The following GRB14 variants were observed in gnomAD, a reference collection of about 807,000 sequenced individuals.
GRB14 encodes the protein growth factor receptor bound protein 14, also known as growth factor receptor-bound protein 14.
A neutral mutation model predicts 69.1 loss-of-function variants in GRB14; 38 were observed. That is an observed-to-expected ratio of 0.55 (90% confidence interval 0.42 to 0.72). GRB14 has a LOEUF of 0.72. Ranked by LOEUF, GRB14 falls within the 30% of genes least tolerant of loss-of-function variation. GRB14 has a pLI of 0.00. For missense variants in GRB14, 666 were observed against 666.1 expected (o/e 1.00, Z 0.00); for synonymous variants, 247 against 241.3 (o/e 1.02, Z -0.22).
chr2:164,558,420 T>C (rs1688735094), intron 2 of GRB14, among the ~76,000 whole-genome samples: 1 of 152,038 alleles, frequency 6.6e-6, no homozygotes, highest in South Asian at 2.1e-4. Flanking sequence ...AGTTATCACA[T>C]ACAGACACAC....
intron 2 of GRB14, among the ~76,000 whole-genome samples, chr2:164,563,356 T>C (rs976591908): frequency 6.6e-6 from 1 of 152,212 alleles, no homozygotes; most frequent in Non-Finnish European, 1.5e-5. Flanking sequence ...CCTTCCTCTC[T>C]TCCTTCCTGA....
chr2:164,541,477 AAAT>A (rs1028945010), intron 3 of GRB14, among the ~76,000 whole-genome samples: 10 of 151,388 alleles, frequency 6.6e-5, no homozygotes, highest in Non-Finnish European at 1.3e-4. Flanking sequence ...CGTCTCCAAA[AAAT>A]AATAATAATA....
At chr2:164,525,670 G>GT (rs972173720) in intron 4 of GRB14, among the ~76,000 whole-genome samples, 3 of 152,030 alleles carry the variant, frequency 2.0e-5, no homozygotes, top group African/African-American at 7.2e-5. Flanking sequence ...TGGATTCTAT[G>GT]TTTTTAATAA....
At chr2:164,520,436 T>C (rs923634692) in intron 6 of GRB14, among the ~76,000 whole-genome samples, 2 of 152,010 alleles carry the variant, frequency 1.3e-5, no homozygotes, top group African/African-American at 4.8e-5. Context: ...CCCTTCTAGA[T>C]ATTGGCTTAG....
chr2:164,503,219 C>A (rs1419863595), intron 8 of GRB14, among the ~76,000 whole-genome samples: 15 of 149,930 alleles, frequency 1.0e-4, no homozygotes, highest in African/African-American at 3.7e-4. Flanking sequence ...GAATAAACAG[C>A]CTTTTTTCCC....
chr2:164,611,322 C>T (rs1420552217), intron 2 of GRB14, among the ~76,000 whole-genome samples: 1 of 152,000 alleles, frequency 6.6e-6, no homozygotes, highest in Non-Finnish European at 1.5e-5. Flanking sequence ...ATTTATGGGG[C>T]TCCTGTAGGT....
chr2:164,611,676 A>G (rs13429320), intron 2 of GRB14, among the ~76,000 whole-genome samples: 2,611 of 151,266 alleles, frequency 0.017, 73 homozygotes, highest in African/African-American at 0.059. Flanking sequence ...CTCCTACTAG[A>G]TGTGATTCCT....
At chr2:164,570,950 T>C (rs1470099888) in intron 2 of GRB14, among the ~76,000 whole-genome samples, 1 of 152,168 alleles carries the variant, frequency 6.6e-6, no homozygotes, top group African/African-American at 2.4e-5. Context: ...TCAGGGAAAA[T>C]TATGAAGAGC....
At chr2:164,602,198 A>T (rs74269929) in intron 2 of GRB14, among the ~76,000 whole-genome samples, 7,285 of 147,402 alleles carry the variant, frequency 0.049, 220 homozygotes, top group African/African-American at 0.081. Context: ...AAGGGAAGGG[A>T]GGGGAGGGGA....
intron 2 of GRB14, among the ~76,000 whole-genome samples, chr2:164,579,491 G>A (rs969769662): frequency 6.8e-6 from 1 of 147,350 alleles, no homozygotes; most frequent in East Asian, 2.0e-4. Flanking sequence ...TTTTATTACA[G>A]GGCACACTTG....
In GRB14 at chr2:164,522,445, T is replaced by TTA. The variant is rs1687658902; in HGVS notation, c.679-330_679-329dup. On this transcript the variant is annotated intron_variant, in intron 5 of 13. Coordinates refer to ENST00000263915, the MANE Select transcript of GRB14 (RefSeq NM_004490.3). ...ATACATTCTAAGTGATAGTACATAG[T>TTA]TATCTAACTACCAAAATTATCAGCT... is the stretch of plus-strand genomic sequence containing the variant. Among the ~76,000 whole-genome samples the TTA allele has an allele frequency of 2.0e-5, 3 of 152,272 alleles. No homozygotes were observed. In the South Asian group the frequency reaches 6.2e-4, roughly 32 times the overall value.
intron 2 of GRB14, among the ~76,000 whole-genome samples, chr2:164,566,631 C>G (rs1574316039): frequency 6.6e-6 from 1 of 152,190 alleles, no homozygotes; most frequent in East Asian, 1.9e-4. Flanking sequence ...AGTTATTTTT[C>G]TAGCCAAGTT....
Position 164,615,011 on chromosome 2 carries a change from C to T in GRB14, c.324+4676G>A, listed in dbSNP as rs187302630. ...TAAATTTTTATTTTTCTGAGACATA[C>T]AAAAAAAGGCTTAATTTAATAAAGA... On this transcript the variant is annotated intron_variant, in intron 2 of 13. Transcript: ENST00000263915. 5.7e-4 allele frequency among the ~76,000 whole-genome samples: 86 copies of T among 151,864 alleles called. 1 individual carries two copies. Among genetic ancestry groups the T allele is most frequent in the Admixed American group, 4.4e-3 (68 of 15,282 alleles).
At chr2:164,526,809 T>C (rs1259941898) in intron 4 of GRB14, among the ~76,000 whole-genome samples, 1 of 151,896 alleles carries the variant, frequency 6.6e-6, no homozygotes, top group Non-Finnish European at 1.5e-5. Context: ...TTTAAAAAGT[T>C]TTGCACCTGT....
At chr2:164,579,501 G>GCGCGCACGCA (rs71393628) in intron 2 of GRB14, among the ~76,000 whole-genome samples, 100 of 145,106 alleles carry the variant, frequency 6.9e-4, no homozygotes, top group African/African-American at 2.5e-3. Flanking sequence ...GGGCACACTT[G>GCGCGCACGCA]CACACACACA....
intron 2 of GRB14, chr2:164,568,592 C>A: frequency 7.7e-6 from 3 of 389,074 alleles, no homozygotes; most frequent in Non-Finnish European, 1.1e-5. Context: ...GCCCGGAAAA[C>A]CCCGCCTTTG....
chr2:164,618,380 C>T (rs577977099), intron 2 of GRB14, among the ~76,000 whole-genome samples: 2 of 151,966 alleles, frequency 1.3e-5, no homozygotes, highest in Non-Finnish European at 2.9e-5. Flanking sequence ...GGAAGTTTCA[C>T]TAGGGCTGTT....
intron 9 of GRB14, among the ~76,000 whole-genome samples, chr2:164,499,009 G>A (rs12478089): frequency 2.0e-5 from 3 of 151,996 alleles, no homozygotes; most frequent in Admixed American, 1.3e-4. Flanking sequence ...TTCTCACCCC[G>A]TGATCTTCTG....
Position 164,537,760 on chromosome 2 carries a change from A to G in GRB14, c.481+9900T>C, listed in dbSNP as rs12468392. ...CACTTACTATCTTTGCTAGTTACAT[A>G]TTGCCCATTTCCGGTCTGTGCGTGC... On this transcript the variant is annotated intron_variant, in intron 3 of 13. Coordinates refer to ENST00000263915, the MANE Select transcript of GRB14 (RefSeq NM_004490.3). Among the ~76,000 whole-genome samples the G allele has an allele frequency of 9.7e-3, 1,470 of 152,220 alleles. 63 individuals carry two copies. The highest frequency in any genetic ancestry group is 0.077 in the Admixed American group (1,182 of 15,276).
Sources: allele counts gnomAD v4.1 joint callset (sites outside exome capture counted in the v4.1 genomes callset), GRCh38; gene constraint gnomAD v4.1.1; transcripts MANE v1.5; gene names NCBI Gene and HGNC (gene_info 2026-07-23, HGNC 2026-07-21).